The following ZNF540 variants were observed in gnomAD, a reference collection of about 807,000 sequenced individuals.
The protein encoded by ZNF540 is zinc finger protein 540.
In ZNF540, 3 loss-of-function variants were observed where a neutral mutation model predicts 11.8. That is an observed-to-expected ratio of 0.25 (90% CI 0.12 to 0.65). The LOEUF (loss-of-function observed/expected upper bound fraction) is 0.65. Among genes scored for constraint, ZNF540 ranks in the 30% least tolerant of loss-of-function variants. ZNF540 has a pLI of 0.83. For missense variants in ZNF540, 709 were observed against 793.1 expected (o/e 0.89, Z 1.27); for synonymous variants, 247 against 259.0 (o/e 0.95, Z 0.45).
intron 1 of ZNF540, chr19:37,585,599 C>T (rs2043643565): frequency 6.6e-6 from 1 of 152,184 alleles, no homozygotes; most frequent in Non-Finnish European, 1.5e-5. Flanking sequence ...AGACAGAACT[C>T]GGCGGTCTTT....
At chr19:37,574,934 C>A (rs2043191872) in intron 1 of ZNF540, among the ~76,000 whole-genome samples, 1 of 152,206 alleles carries the variant, frequency 6.6e-6, no homozygotes, top group Non-Finnish European at 1.5e-5. Context: ...ACAGAAACTT[C>A]CTGAAGACGT....
intron 1 of ZNF540, chr19:37,564,665 C>A (rs2042781459): frequency 6.2e-7 from 1 of 1,612,226 alleles, no homozygotes; most frequent in African/African-American, 1.3e-5. Context: ...ACACTGGACA[C>A]ATGTATAGGG....
At chr19:37,564,371 G>T in intron 1 of ZNF540, 1 of 372,750 alleles carries the variant, frequency 2.7e-6, no homozygotes, top group Non-Finnish European at 4.7e-6. Flanking sequence ...TTAGGATATG[G>T]TGAAATGGAG....
intron 1 of ZNF540, chr19:37,555,646 G>A: frequency 2.0e-6 from 1 of 501,890 alleles, no homozygotes; most frequent in South Asian, 2.7e-5. Context: ...AATCAACTTT[G>A]TTAGGGGGTT....
At position 37,565,400 on chromosome 19, in the gene ZNF540, G is replaced by T. The variant is rs534302260; in HGVS notation, c.-73+13735G>T. The T allele has an allele frequency of 1.1e-5, 17 of 1,613,588 alleles. No homozygotes were observed. In the South Asian group the frequency reaches 1.9e-4, roughly 18 times the overall value. On this transcript the variant is annotated intron_variant, in intron 1 of 4. Coordinates refer to the ZNF540 transcript ENST00000592533. ...ATTCAGTTGGGAGGCACATAAAAAG[G>T]CTTTCCCACATTCTTTACATATGTA...
rs1390348879 is a variant in ZNF540 at position 37,569,193 on chromosome 19, TC to T, written c.-73+17530del. Reference sequence around the variant, plus strand: ...GTCTCAAATTCCTGGCCTCAAGTGATCCACCTGCCCCGGACTCCCACAGCAC... The same window carrying T: ...GTCTCAAATTCCTGGCCTCAAGTGATCACCTGCCCCGGACTCCCACAGCAC... On this transcript the variant is annotated intron_variant, in intron 1 of 4. Coordinates refer to the ZNF540 transcript ENST00000592533. The surrounding 1 kb of genome is among the most constrained non-coding windows in gnomAD (Gnocchi z 4.4). Among the ~76,000 whole-genome samples, 1 of 152,016 alleles carries T rather than the reference TC, an allele frequency of 6.6e-6. No homozygotes were observed. The highest frequency in any genetic ancestry group is 1.5e-5 in the Non-Finnish European group (1 of 68,010).
In ZNF540 at chr19:37,581,856, AGGGTGAACCAGG is replaced by A. The variant is rs1177296677; in HGVS notation, c.-72-16519_-72-16508del. On this transcript the variant is annotated intron_variant, in intron 1 of 4. Transcript: ENST00000592533. ...TCACCCTGCAGTGGACAGGAGCTGC[AGGGTGAACCAGG>A]AGAATGGCAAAACTTCTCAAGAGGT... Among the ~76,000 whole-genome samples the A allele has an allele frequency of 3.7e-3, 556 of 151,956 alleles. 2 individuals carry two copies. The highest frequency in any genetic ancestry group is 3.4e-3 in the Non-Finnish European group (233 of 67,978).
At position 37,602,714 on chromosome 19, in the gene ZNF540, G is replaced by A. The variant is rs558040206; in HGVS notation, c.232+1609G>A. Among the ~76,000 whole-genome samples the A allele has an allele frequency of 1.6e-3, 247 of 152,252 alleles. 1 individual carries two copies. The highest frequency in any genetic ancestry group is 2.8e-3 in the Non-Finnish European group (189 of 68,026). Reference sequence around the variant, plus strand: ...TAGCCTGGAGAGTGGTACCAAAAAAGTCAAATGAAGAAAATGTTTCAAGTG... The same window carrying A: ...TAGCCTGGAGAGTGGTACCAAAAAAATCAAATGAAGAAAATGTTTCAAGTG... On this transcript the variant is annotated intron_variant, in intron 4 of 4. Coordinates refer to ENST00000316433, the MANE Select transcript of ZNF540 (RefSeq NM_001172225.3).
At chr19:37,567,422 G>A (rs954161440) in intron 1 of ZNF540, among the ~76,000 whole-genome samples, 7 of 152,136 alleles carry the variant, frequency 4.6e-5, no homozygotes, top group Non-Finnish European at 1.0e-4. Flanking sequence ...GTTTACCCTT[G>A]TATTTAGAAT....
intron 1 of ZNF540, among the ~76,000 whole-genome samples, chr19:37,554,079 C>A (rs564802545): frequency 6.6e-6 from 1 of 152,248 alleles, no homozygotes; most frequent in Admixed American, 6.5e-5. Context: ...GTTTGGTGTA[C>A]AAATGATTTT....
intron 1 of ZNF540, among the ~76,000 whole-genome samples, chr19:37,567,986 C>T (rs2042920455): frequency 6.6e-6 from 1 of 152,052 alleles, no homozygotes; most frequent in African/African-American, 2.4e-5. Context: ...GCCAAATGTT[C>T]TTATATTTCC....
rs1568370106 is a variant in ZNF540 at position 37,612,946 on chromosome 19, T to TGTGGGAAGTCCTTTAGTCGGC, written c.1672_1692dup (p.Lys558_Gly564dup). On this transcript the variant is annotated inframe_insertion, in exon 5 of 5. Transcript: ENST00000316433. ...TTTAAAACCCTATGACTGTAAAGAA[T>TGTGGGAAGTCCTTTAGTCGGC]GTGGGAAGTCCTTTAGTCGGCGTGG... 5.0e-6 allele frequency: 8 copies of TGTGGGAAGTCCTTTAGTCGGC among 1,614,178 alleles called. No individual in the cohort carries two copies. The highest frequency in any genetic ancestry group is 6.8e-6 in the Non-Finnish European group (8 of 1,180,026).
intron 1 of ZNF540, chr19:37,584,953 G>A (rs1489943423): frequency 6.6e-5 from 9 of 136,716 alleles, no homozygotes; most frequent in Admixed American, 3.1e-4. Flanking sequence ...CACAGAGCGA[G>A]ACTCCGTCTC....
intron 1 of ZNF540, chr19:37,566,356 A>G (rs2042860120): frequency 6.7e-7 from 1 of 1,494,520 alleles, no homozygotes. Context: ...ATTCTATGGT[A>G]AAAATGATAG....
intron 1 of ZNF540, among the ~76,000 whole-genome samples, chr19:37,596,486 A>G (rs1345318658): frequency 1.3e-5 from 2 of 152,100 alleles, no homozygotes; most frequent in Non-Finnish European, 2.9e-5. Context: ...CCCAATCTAT[A>G]TTATTTCTGA....
chr19:37,605,711 A>G (rs2044080311), intron 4 of ZNF540, among the ~76,000 whole-genome samples: 1 of 152,216 alleles, frequency 6.6e-6, no homozygotes, highest in South Asian at 2.1e-4. Context: ...TAGATGTCCA[A>G]TAGCTCCACA....
At chr19:37,577,533 C>T (rs1227668186) in intron 1 of ZNF540, among the ~76,000 whole-genome samples, 1 of 152,108 alleles carries the variant, frequency 6.6e-6, no homozygotes, top group Non-Finnish European at 1.5e-5. Context: ...AAAGCTAATC[C>T]TTTATACCTT....
chr19:37,589,486 A>T (rs2147210984), intron 1 of ZNF540, among the ~76,000 whole-genome samples: 1 of 145,164 alleles, frequency 6.9e-6, no homozygotes, highest in South Asian at 2.3e-4. Context: ...CAGACAATTC[A>T]TAAAAAAAAA....
intron 1 of ZNF540, among the ~76,000 whole-genome samples, chr19:37,576,042 TAC>T (rs34837052): frequency 3.6e-4 from 54 of 148,502 alleles, no homozygotes; most frequent in Non-Finnish European, 4.4e-4. Flanking sequence ...CATACATGCA[TAC>T]ACACACACAC....
Sources: allele counts gnomAD v4.1 joint callset (sites outside exome capture counted in the v4.1 genomes callset), GRCh38; gene constraint gnomAD v4.1.1; non-coding constraint Gnocchi (gnomAD v3.1); transcripts MANE v1.5; gene names NCBI Gene and HGNC (gene_info 2026-07-23, HGNC 2026-07-21).